FGF14: variants seen among roughly 807,000 people sequenced by gnomAD.
FGF14 encodes the protein fibroblast growth factor 14.
Under a neutral mutation model 25.5 loss-of-function variants are expected in FGF14, and 5 were observed. The ratio of observed to expected loss-of-function variants is 0.20; its 90% CI spans 0.10 to 0.41. The LOEUF is 0.41. FGF14 is among the 10% of genes least tolerant of loss of function. The pLI is 1.00. For synonymous variants in FGF14, 138 were observed against 118.3 expected (o/e 1.17, Z -1.08); for missense variants, 222 against 320.1 (o/e 0.69, Z 2.34).
rs76344415 is a variant in FGF14 at position 101,956,915 on chromosome 13, G to C, written c.209-81619C>G. 5.0e-3 allele frequency among the ~76,000 whole-genome samples: 757 copies of C among 151,876 alleles called. 2 individuals carry two copies. The highest frequency in any genetic ancestry group is 7.6e-3 in the Admixed American group (116 of 15,230). On this transcript the variant is annotated intron_variant, in intron 1 of 4. Coordinates refer to the FGF14 transcript ENST00000376131. ...TTTCTCTCTCTCTTTCTTATGTATA[G>C]ATTTCATTATTTCATTTTAGAGGTA... is the stretch of plus-strand genomic sequence containing the variant.
intron 1 of FGF14, among the ~76,000 whole-genome samples, chr13:101,897,683 G>A (rs564198769): frequency 6.6e-6 from 1 of 152,164 alleles, no homozygotes; most frequent in East Asian, 1.9e-4. Context: ...CAACTTTGTT[G>A]CTGCCAGGAA....
intron 1 of FGF14, among the ~76,000 whole-genome samples, chr13:102,310,696 T>TGTTGG (rs1269681335): frequency 4.9e-3 from 17 of 3,476 alleles, no homozygotes; most frequent in Non-Finnish European, 6.8e-3. Context: ...TGTGTGTGTG[T>TGTTGG]GGGGGGGGGG....
chr13:101,983,626 G>C (rs1028339701), intron 1 of FGF14, among the ~76,000 whole-genome samples: 2 of 152,086 alleles, frequency 1.3e-5, no homozygotes, highest in African/African-American at 4.8e-5. Flanking sequence ...TTGTTTTCCT[G>C]GCCTTACTTA....
At chr13:102,172,810 T>C (rs567376778) in intron 1 of FGF14, among the ~76,000 whole-genome samples, 1 of 152,296 alleles carries the variant, frequency 6.6e-6, no homozygotes, top group African/African-American at 2.4e-5. Flanking sequence ...ATCTTGCTAA[T>C]ATGGGACAGA....
intron 1 of FGF14, among the ~76,000 whole-genome samples, chr13:102,358,878 G>T (rs75336339): frequency 6.6e-6 from 1 of 152,022 alleles, no homozygotes; most frequent in Admixed American, 6.6e-5. Context: ...AGGAAAATGT[G>T]CATCACCACT....
rs923256713 is a variant in FGF14 at position 101,852,461 on chromosome 13, G to C, written c.408+16264C>G. On this transcript the variant is annotated intron_variant, in intron 3 of 4. Coordinates refer to ENST00000376143, the MANE Select transcript of FGF14 (RefSeq NM_004115.4). ...TGAAGGAGGAAAAAAACAATCCCAA[G>C]TTACTTGCTGACAAAAGTCAATGAC... Among the ~76,000 whole-genome samples, 3 of 152,060 alleles carry C rather than the reference G, an allele frequency of 2.0e-5. No homozygotes were observed. In the East Asian group the frequency reaches 5.8e-4, roughly 29 times the overall value.
chr13:102,378,017 G>A (rs947407333), intron 1 of FGF14, among the ~76,000 whole-genome samples: 12 of 152,158 alleles, frequency 7.9e-5, no homozygotes, highest in South Asian at 2.1e-4. Context: ...GACAGAACAA[G>A]GCTCTTACTA....
chr13:102,167,762 TCA>T (rs1251144766), intron 1 of FGF14, among the ~76,000 whole-genome samples: 2 of 150,682 alleles, frequency 1.3e-5, no homozygotes, highest in African/African-American at 4.9e-5. Context: ...TAGAGAATCC[TCA>T]TTAAGATATT....
intron 3 of FGF14, among the ~76,000 whole-genome samples, chr13:101,763,976 G>A (rs1461032875): frequency 1.3e-5 from 2 of 151,802 alleles, no homozygotes; most frequent in Non-Finnish European, 2.9e-5. Context: ...GGTCCTATAT[G>A]TATGCATTTC....
intron 1 of FGF14, among the ~76,000 whole-genome samples, chr13:101,898,651 A>G (rs185716514): frequency 8.5e-5 from 13 of 152,292 alleles, no homozygotes; most frequent in Non-Finnish European, 1.5e-4. Context: ...GGGACCCAAA[A>G]TGGAAATAAT....
chr13:102,059,434 G>T (rs1358162162), intron 1 of FGF14, among the ~76,000 whole-genome samples: 4 of 152,202 alleles, frequency 2.6e-5, no homozygotes. Context: ...TTTCTCAATA[G>T]CCAGCTTGGA....
intron 1 of FGF14, among the ~76,000 whole-genome samples, chr13:102,250,036 G>A (rs1406626366): frequency 6.6e-6 from 1 of 152,100 alleles, no homozygotes; most frequent in African/African-American, 2.4e-5. Context: ...TATGTAAGAA[G>A]ACCACCCCCA....
intron 1 of FGF14, among the ~76,000 whole-genome samples, chr13:102,035,067 G>A (rs1595065093): frequency 6.6e-6 from 1 of 152,056 alleles, no homozygotes; most frequent in Non-Finnish European, 1.5e-5. Flanking sequence ...TGTATTTTAA[G>A]AACTTGAAAT....
At chr13:102,326,472 T>A in intron 1 of FGF14, among the ~76,000 whole-genome samples, 1 of 152,006 alleles carries the variant, frequency 6.6e-6, no homozygotes, top group East Asian at 1.9e-4. Context: ...GGTAAATAAA[T>A]AATGAATGGT....
At chr13:101,990,182 G>A (rs1247966581) in intron 1 of FGF14, among the ~76,000 whole-genome samples, 1 of 152,020 alleles carries the variant, frequency 6.6e-6, no homozygotes, top group Non-Finnish European at 1.5e-5. Flanking sequence ...GCAATCACAG[G>A]GCCTGAGTGC....
At chr13:101,954,325 G>A (rs967673102) in intron 1 of FGF14, among the ~76,000 whole-genome samples, 1 of 138,310 alleles carries the variant, frequency 7.2e-6, no homozygotes, top group Admixed American at 7.2e-5. Flanking sequence ...GGGTGGGGGG[G>A]TGGTAACTGA....
At chr13:102,069,071 C>T (rs193132564) in intron 1 of FGF14, among the ~76,000 whole-genome samples, 5 of 150,986 alleles carry the variant, frequency 3.3e-5, no homozygotes, top group East Asian at 3.9e-4. Flanking sequence ...GTGGGGCCTC[C>T]GAGAACCTTT....
intron 1 of FGF14, among the ~76,000 whole-genome samples, chr13:101,969,332 G>A (rs2037448138): frequency 6.6e-6 from 1 of 152,158 alleles, no homozygotes; most frequent in South Asian, 2.1e-4. Context: ...GGGAGGCCGA[G>A]GTGGGCGGAT....
intron 3 of FGF14, among the ~76,000 whole-genome samples, chr13:101,777,156 G>A (rs572559285): frequency 2.6e-5 from 4 of 152,188 alleles, no homozygotes; most frequent in African/African-American, 9.6e-5. Flanking sequence ...ATCTCAAAGG[G>A]GATGGTATTA....
Sources: allele counts gnomAD v4.1 joint callset (sites outside exome capture counted in the v4.1 genomes callset), GRCh38; gene constraint gnomAD v4.1.1; transcripts MANE v1.5; gene names NCBI Gene and HGNC (gene_info 2026-07-23, HGNC 2026-07-21).